RANBP3: variants seen among roughly 807,000 people sequenced by gnomAD.
RANBP3 encodes the protein RAN binding protein 3.
A neutral mutation model predicts 77.3 loss-of-function variants in RANBP3; 14 were observed. That is an observed-to-expected ratio of 0.18 (90% CI 0.12 to 0.28). RANBP3 has a LOEUF of 0.28. Ranked by LOEUF, RANBP3 falls within the 10% of genes least tolerant of loss-of-function variation. The pLI is 1.00. For missense variants in RANBP3, 586 were observed against 752.3 expected (o/e 0.78, Z 2.59); for synonymous variants, 315 against 312.4 (o/e 1.01, Z -0.09).
chr19:5,920,949 T>C (rs930137856), intron 14 of RANBP3: 7 of 325,496 alleles, frequency 2.2e-5, no homozygotes, highest in African/African-American at 6.4e-5. Flanking sequence ...AAAACTTCCA[T>C]AGACTTTTGT....
intron 3 of RANBP3, among the ~76,000 whole-genome samples, chr19:5,942,740 C>T (rs2058155331): frequency 6.7e-6 from 1 of 149,996 alleles, no homozygotes; most frequent in Admixed American, 6.6e-5. Flanking sequence ...TTAAAATGGA[C>T]TGGGTGCAGT....
intron 14 of RANBP3, among the ~76,000 whole-genome samples, chr19:5,919,080 A>G (rs2057783727): frequency 6.6e-6 from 1 of 152,124 alleles, no homozygotes; most frequent in South Asian, 2.1e-4. Context: ...ATCGGCCTCC[A>G]TGGGAGTCCA....
chr19:5,964,380 G>A (rs958516564), intron 1 of RANBP3, among the ~76,000 whole-genome samples: 1 of 152,130 alleles, frequency 6.6e-6, no homozygotes, highest in Non-Finnish European at 1.5e-5. Context: ...CCACCTAGTT[G>A]AGCCTGGGAA....
chr19:5,942,497 G>A (rs552101810), intron 3 of RANBP3, among the ~76,000 whole-genome samples: 1 of 152,138 alleles, frequency 6.6e-6, no homozygotes, highest in East Asian at 1.9e-4. Context: ...CTTAAAATGG[G>A]CTCATGACCA....
At chr19:5,948,900 T>C (rs1433336600) in intron 3 of RANBP3, among the ~76,000 whole-genome samples, 1 of 152,160 alleles carries the variant, frequency 6.6e-6, no homozygotes, top group Non-Finnish European at 1.5e-5. Context: ...TTTCTCCACA[T>C]CAAACAGAGA....
Position 5,958,423 on chromosome 19 carries a change from G to A in RANBP3, c.23-450C>T, listed in dbSNP as rs1238039034. 6.6e-6 allele frequency among the ~76,000 whole-genome samples: 1 copy of A among 152,258 alleles called. No individual in the cohort carries two copies. Among genetic ancestry groups the A allele is most frequent in the Non-Finnish European group, 1.5e-5 (1 of 68,042 alleles). ...CCACCGCTCGCGCTGTTTGCAGACA[G>A]TTCTGGTAGAAGAATCCTAACGCTC... is the stretch of plus-strand genomic sequence containing the variant. On this transcript the variant is annotated intron_variant, in intron 1 of 16. Transcript: ENST00000340578. The surrounding 1 kb of genome is among the most constrained non-coding windows in gnomAD (Gnocchi z 4.4).
intron 1 of RANBP3, among the ~76,000 whole-genome samples, chr19:5,972,957 A>G (rs1265427068): frequency 6.6e-6 from 1 of 152,162 alleles, no homozygotes; most frequent in Non-Finnish European, 1.5e-5. Context: ...CATTTTGCAG[A>G]AGCCCAGTGA....
At position 5,916,326 on chromosome 19, in the gene RANBP3, TG is replaced by T; in HGVS notation, c.*1283del. The T allele has an allele frequency of 6.6e-6, 1 of 152,414 alleles. No homozygotes were observed. Among genetic ancestry groups the T allele is most frequent in the Non-Finnish European group, 1.5e-5 (1 of 68,152 alleles). 9.4% of individuals were successfully genotyped at this position (152,414 alleles called of 1,614,324 possible). On this transcript the variant is annotated 3_prime_UTR_variant, in exon 17 of 17. Transcript: ENST00000340578. ...TCCCGGGCTCAGGCTTGCTGGGGGC[TG>T]GGGGCCAGGGCTCTGGCGACCTAGA... is the stretch of plus-strand genomic sequence containing the variant.
intron 1 of RANBP3, among the ~76,000 whole-genome samples, chr19:5,966,701 G>A (rs1027638226): frequency 9.9e-5 from 15 of 152,178 alleles, no homozygotes; most frequent in Non-Finnish European, 1.9e-4. Context: ...CGTAGGCCTG[G>A]GAAAACACAT....
chr19:5,941,054 C>A (rs1011940359), intron 5 of RANBP3, among the ~76,000 whole-genome samples: 1 of 152,256 alleles, frequency 6.6e-6, no homozygotes, highest in Admixed American at 6.5e-5. Flanking sequence ...GCTCCACAGT[C>A]CGAGCCTGGC....
intron 8 of RANBP3, among the ~76,000 whole-genome samples, chr19:5,930,667 C>T (rs963023591): frequency 1.3e-5 from 2 of 152,190 alleles, no homozygotes; most frequent in African/African-American, 2.4e-5. Flanking sequence ...TTCCCGGGCT[C>T]AAGCAATCCT....
At chr19:5,919,302 A>G (rs2057787077) in intron 14 of RANBP3, among the ~76,000 whole-genome samples, 1 of 152,192 alleles carries the variant, frequency 6.6e-6, no homozygotes, top group Non-Finnish European at 1.5e-5. Context: ...GGACTCAGCC[A>G]AGCCCCTACC....
At position 5,916,633 on chromosome 19, in the gene RANBP3, C is replaced by G. The variant is rs2057741532; in HGVS notation, c.*977G>C. The G allele has an allele frequency of 6.6e-6, 1 of 152,446 alleles. No individual in the cohort carries two copies. The highest frequency in any genetic ancestry group is 1.9e-4 in the East Asian group (1 of 5,202). The allele number at this position is 152,446 out of a possible 1,614,324, so 9.4% of individuals were successfully genotyped here. A position where few individuals can be genotyped will look rare whatever the true frequency, so the allele number is the denominator to read the frequency against. On this transcript the variant is annotated 3_prime_UTR_variant, in exon 17 of 17. Transcript: ENST00000340578. The stretch of plus-strand genomic sequence containing the variant: ...GGTCCCCCTCTGCCTCTCACAGAAG[C>G]CCCTGGCCCTGGACTGTCCTGGGGG...
chr19:5,929,720 C>T (rs532685575), intron 8 of RANBP3, among the ~76,000 whole-genome samples: 1 of 152,292 alleles, frequency 6.6e-6, no homozygotes, highest in South Asian at 2.1e-4. Flanking sequence ...GCAGTGTGTG[C>T]CATGTTCATG....
intron 6 of RANBP3, 99 bp from the exon 7 acceptor site, chr19:5,932,643 A>G: frequency 1.1e-6 from 1 of 909,920 alleles, no homozygotes; most frequent in Non-Finnish European, 1.7e-6. Context: ...TGCCCCTTGC[A>G]GGCTAGACTT....
At chr19:5,971,579 T>C (rs1373994427) in intron 1 of RANBP3, among the ~76,000 whole-genome samples, 1 of 152,244 alleles carries the variant, frequency 6.6e-6, no homozygotes, top group Non-Finnish European at 1.5e-5. Flanking sequence ...AAAGAGCAGA[T>C]AGTGTCTTTG....
At chr19:5,969,331 CA>C (rs1254750353) in intron 1 of RANBP3, among the ~76,000 whole-genome samples, 3 of 152,232 alleles carry the variant, frequency 2.0e-5, no homozygotes, top group Admixed American at 2.0e-4. Context: ...GGCAAGTTCT[CA>C]AGGACCGTTT....
chr19:5,917,283 C>A lies in RANBP3; in HGVS notation c.*327G>T. 1 of 397,816 alleles carries A rather than the reference C, an allele frequency of 2.5e-6. No individual in the cohort carries two copies. The allele number at this position is 397,816 out of a possible 1,614,324, so 24.6% of individuals were successfully genotyped here. ...GGCTCTGGCTGGACCCAGAGGCTGG[C>A]GACACGCGGGGTGAAGGAACGAGGT... On this transcript the variant is annotated 3_prime_UTR_variant, in exon 17 of 17. Transcript: ENST00000340578.
intron 14 of RANBP3, among the ~76,000 whole-genome samples, chr19:5,918,882 C>T (rs1250709188): frequency 6.6e-6 from 1 of 152,234 alleles, no homozygotes; most frequent in Non-Finnish European, 1.5e-5. Context: ...GGTGGCTGCA[C>T]AGGCTGGTGC....
Sources: gnomAD v4.1 joint callset for allele counts (sites outside exome capture counted in the v4.1 genomes callset) on GRCh38, gnomAD v4.1.1 for gene constraint, Gnocchi (gnomAD v3.1) non-coding constraint, MANE v1.5 for transcripts, NCBI Gene and HGNC (gene_info 2026-07-23, HGNC 2026-07-21) for gene names.